PPIL6: variants seen among roughly 807,000 people sequenced by gnomAD.
PPIL6 encodes peptidylprolyl isomerase like 6.
In PPIL6, 39 loss-of-function variants were observed where a neutral mutation model predicts 36.8. That is an observed-to-expected ratio of 1.06 (90% CI 0.82 to 1.38). The LOEUF (loss-of-function observed/expected upper bound fraction) is 1.38. Ranked by LOEUF, PPIL6 falls within the 40% of genes most tolerant of loss-of-function variation. The pLI, the probability that PPIL6 is intolerant of heterozygous loss-of-function variation, is 0.00. For synonymous variants in PPIL6, 123 were observed against 134.1 expected (o/e 0.92, Z 0.57); for missense variants, 368 against 379.1 (o/e 0.97, Z 0.24).
upstream of PPIL6, chr6:109,440,661 C>CT: frequency 8.8e-7 from 1 of 1,140,578 alleles, no homozygotes; most frequent in Non-Finnish European, 1.1e-6. Flanking sequence ...GCCCCGCCTC[C>CT]GCCGCTCGCA....
chr6:109,435,957 A>G, intron 2 of PPIL6, 147 bp downstream of exon 2: 2 of 686,734 alleles, frequency 2.9e-6, no homozygotes, highest in Non-Finnish European at 5.3e-6. Flanking sequence ...TAAATGATTA[A>G]TACAATTTAG....
rs893625942 is a variant in PPIL6 at position 109,394,849 on chromosome 6, CAAATTGTTTCCA to C, written c.825-1924_825-1913del. ...TGGTTGCAGCTTGGCTGCCAGTCTA[CAAATTGTTTCCA>C]AATTACATTTCCAGCTCTGACTCAG... is the stretch of plus-strand genomic sequence containing the variant. On this transcript the variant is annotated intron_variant, in intron 7 of 7. Coordinates refer to ENST00000521072, the MANE Select transcript of PPIL6 (RefSeq NM_173672.5). 8.5e-5 allele frequency among the ~76,000 whole-genome samples: 13 copies of C among 152,332 alleles called. No individual in the cohort carries two copies. In the East Asian group the frequency reaches 1.3e-3, roughly 16 times the overall value.
At position 109,440,611 on chromosome 6, in the gene PPIL6, G is replaced by C; in HGVS notation, c.-21C>G. The C allele has an allele frequency of 7.5e-7, 1 of 1,325,590 alleles. No homozygotes were observed. The highest frequency in any genetic ancestry group is 9.6e-7 in the Non-Finnish European group (1 of 1,039,840). 82.1% of individuals were successfully genotyped at this position (1,325,590 alleles called of 1,614,324 possible). On this transcript the variant is annotated 5_prime_UTR_variant, in exon 1 of 8. Coordinates refer to ENST00000521072, the MANE Select transcript of PPIL6 (RefSeq NM_173672.5). ...GCCATGGCCGCGCCCGGGGACGCCC[G>C]GTGACCCCAAACACTGCGCGTCGCT...
intron 7 of PPIL6, among the ~76,000 whole-genome samples, chr6:109,395,553 A>G (rs971924006): frequency 2.4e-4 from 37 of 151,200 alleles, no homozygotes; most frequent in Admixed American, 6.6e-5. Context: ...AGAGAGTTCT[A>G]CTGGACAGTG....
chr6:109,405,144 T>C (rs1772744970), intron 6 of PPIL6: 1 of 340,050 alleles, frequency 2.9e-6, no homozygotes, highest in African/African-American at 2.3e-5. Flanking sequence ...TGTATAAAGT[T>C]ATCATAAGGC....
In PPIL6 at chr6:109,399,386, G is replaced by A. The variant is rs373807977; in HGVS notation, c.824+649C>T. ...AGCCTCCCAAAGTGCTGGGATTACA[G>A]GTGTGAGCCACTGCACCCGGCCTAT... On this transcript the variant is annotated intron_variant, in intron 7 of 7. Coordinates refer to ENST00000521072, the MANE Select transcript of PPIL6 (RefSeq NM_173672.5). Among the ~76,000 whole-genome samples, 25 of 150,974 alleles carry A rather than the reference G, an allele frequency of 1.7e-4. No individual in the cohort carries two copies. The East Asian group carries it at 3.0e-3, about 18-fold the overall frequency.
At chr6:109,429,883 T>C (rs1411759077) in intron 3 of PPIL6, among the ~76,000 whole-genome samples, 2 of 152,210 alleles carry the variant, frequency 1.3e-5, no homozygotes, top group Non-Finnish European at 2.9e-5. Flanking sequence ...TCAGAGGAGC[T>C]TGGTAATGCT....
At chr6:109,440,161 T>C in intron 1 of PPIL6, 1 of 481,838 alleles carries the variant, frequency 2.1e-6, no homozygotes, top group South Asian at 1.6e-5. Flanking sequence ...TGTGTGTGTG[T>C]GTGTCTCGGA....
At chr6:109,419,520 C>T (rs575768613) in intron 5 of PPIL6, among the ~76,000 whole-genome samples, 17 of 151,892 alleles carry the variant, frequency 1.1e-4, no homozygotes, top group African/African-American at 3.6e-4. Flanking sequence ...GTCAGGCATT[C>T]GAGACCAGCC....
intron 2 of PPIL6, 30 bp from the exon 3 acceptor site, chr6:109,431,375 A>AAC: frequency 6.5e-7 from 1 of 1,533,170 alleles, no homozygotes; most frequent in African/African-American, 1.4e-5. Context: ...AAAAAAAAAA[A>AAC]AACGTAAGAA....
chr6:109,421,805 G>A (rs9487095), intron 5 of PPIL6, among the ~76,000 whole-genome samples: 69,011 of 151,912 alleles, frequency 0.45, 16,914 homozygotes, highest in African/African-American at 0.66. Flanking sequence ...TTGGGAGGCC[G>A]AGGTGGGAGG....
chr6:109,412,996 A>G (rs1773081725), intron 6 of PPIL6, among the ~76,000 whole-genome samples: 1 of 152,050 alleles, frequency 6.6e-6, no homozygotes, highest in South Asian at 2.1e-4. Context: ...TGTCTCTACT[A>G]AAAATACAAA....
chr6:109,429,275 C>G (rs553879440), intron 3 of PPIL6, among the ~76,000 whole-genome samples: 3 of 152,188 alleles, frequency 2.0e-5, no homozygotes, highest in Admixed American at 6.5e-5. Context: ...CCTACTCCAG[C>G]CTGCTTCTGC....
At chr6:109,427,238 T>C (rs1773872081) in intron 3 of PPIL6, 82 bp from the exon 4 acceptor site, 1 of 854,188 alleles carries the variant, frequency 1.2e-6, no homozygotes, top group Non-Finnish European at 1.9e-6. Flanking sequence ...ATACAGCAGA[T>C]ACAATATTTT....
At chr6:109,433,834 T>A (rs1468700533) in intron 2 of PPIL6, among the ~76,000 whole-genome samples, 1 of 151,728 alleles carries the variant, frequency 6.6e-6, no homozygotes, top group Non-Finnish European at 1.5e-5. Context: ...AAAGGAAGGA[T>A]AAGGAATATC....
At chr6:109,393,921 C>T (rs778781003) in intron 7 of PPIL6, among the ~76,000 whole-genome samples, 27 of 152,232 alleles carry the variant, frequency 1.8e-4, no homozygotes, top group Non-Finnish European at 2.8e-4. Context: ...AGGGTTGAAA[C>T]CTTACATTTA....
intron 5 of PPIL6, among the ~76,000 whole-genome samples, chr6:109,420,848 CCATGCAG>C (rs1773506248): frequency 6.6e-6 from 1 of 152,184 alleles, no homozygotes; most frequent in African/African-American, 2.4e-5. Flanking sequence ...CCCAGAAAGG[CCATGCAG>C]CATTTAAATT....
At chr6:109,437,274 T>G (rs1774497112) in intron 1 of PPIL6, among the ~76,000 whole-genome samples, 2 of 152,218 alleles carry the variant, frequency 1.3e-5, no homozygotes, top group African/African-American at 2.4e-5. Flanking sequence ...TGACAGCTGC[T>G]GCAGGTGGCA....
chr6:109,407,866 C>T (rs1772866076), intron 6 of PPIL6, among the ~76,000 whole-genome samples: 1 of 151,978 alleles, frequency 6.6e-6, no homozygotes, highest in Admixed American at 6.6e-5. Flanking sequence ...GCTATGTTGC[C>T]CAGGCTGGTC....
Sources: gnomAD v4.1 joint callset for allele counts (sites outside exome capture counted in the v4.1 genomes callset) on GRCh38, gnomAD v4.1.1 for gene constraint, MANE v1.5 for transcripts, NCBI Gene and HGNC (gene_info 2026-07-23, HGNC 2026-07-21) for gene names.